CD8A: variants seen among roughly 807,000 people sequenced by gnomAD.
The protein encoded by CD8A is T-cell surface glycoprotein CD8 alpha chain.
CD8A carries 25 observed loss-of-function variants against 24.2 expected under a neutral mutation model. The observed-to-expected ratio is 1.03, with a 90% CI of 0.75 to 1.44. The LOEUF is 1.44. Among genes scored for constraint, CD8A ranks in the 40% most tolerant of loss-of-function variants. The pLI is 0.00. For missense variants in CD8A, 360 were observed against 319.7 expected, an observed-to-expected ratio of 1.13 and a Z score of -0.96; for synonymous variants, 165 against 149.9, an observed-to-expected ratio of 1.10 and a Z score of -0.74.
rs1673198402 is a variant in CD8A, at chr2:86,789,857, C to T, written c.404-107G>A. On this transcript the variant is annotated intron_variant, in intron 2 of 5. Coordinates refer to ENST00000283635, the MANE Select transcript of CD8A (RefSeq NM_001768.7). ...ACGGGGACGCCTCCCCCCGGTTTTCCTGGGAGAAGGGATAGCAGAGGAGAC... is the reference window on the plus strand; with the variant it reads ...ACGGGGACGCCTCCCCCCGGTTTTCTTGGGAGAAGGGATAGCAGAGGAGAC... The T allele has an allele frequency of 2.2e-5, 14 of 627,386 alleles. No individual in the cohort carries two copies. The East Asian group carries it at 4.8e-4, about 21-fold the overall frequency. 38.9% of individuals were successfully genotyped at this position (627,386 alleles called of 1,614,324 possible).
upstream of CD8A, among the ~76,000 whole-genome samples, chr2:86,793,443 G>C (rs1467109947): frequency 6.6e-6 from 1 of 152,232 alleles, no homozygotes; most frequent in Admixed American, 6.5e-5. Context: ...TGCATGGTAT[G>C]AGGGTCCCTC....
chr2:86,803,880 G>A (rs956228677), intron 2 of CD8A, among the ~76,000 whole-genome samples: 3 of 152,192 alleles, frequency 2.0e-5, no homozygotes, highest in Non-Finnish European at 4.4e-5. Flanking sequence ...CAAATATATA[G>A]AGAATAAAAC....
At chr2:86,787,032 A>AAG (rs1358622361) in intron 5 of CD8A, among the ~76,000 whole-genome samples, 13 of 145,654 alleles carry the variant, frequency 8.9e-5, no homozygotes, top group Non-Finnish European at 2.0e-4. Context: ...AAAAAAAAAA[A>AAG]AAAAAAAAGA....
rs1392485677 is a variant in CD8A at position 86,785,697 on chromosome 2, A to C, written c.*223T>G. The C allele has an allele frequency of 1.4e-6, 1 of 704,030 alleles. No homozygotes were observed. Among genetic ancestry groups the C allele is most frequent in the African/African-American group, 1.7e-5 (1 of 57,338 alleles). 43.6% of individuals were successfully genotyped at this position (704,030 alleles called of 1,614,324 possible). On this transcript the variant is annotated 3_prime_UTR_variant, in exon 6 of 6. Coordinates refer to ENST00000283635, the MANE Select transcript of CD8A (RefSeq NM_001768.7). ...TTCCACGCCCTACCGCGATGTGCGC[A>C]CAACAGTATTGTGACCCTTGTGGTG...
At chr2:86,790,722 G>GCCC in intron 1 of CD8A, 41 bp from the exon 2 acceptor site, 16 of 1,487,832 alleles carry the variant, frequency 1.1e-5, no homozygotes, top group Non-Finnish European at 1.4e-5. Flanking sequence ...GCAGTCCCGC[G>GCCC]CCCCCCGCCC....
rs1427820128 is a variant in CD8A at position 86,785,933 on chromosome 2, G to A, written c.695C>T (p.Ala232Val). 1.2e-6 allele frequency: 2 copies of A among 1,612,966 alleles called. No homozygotes were observed. Among genetic ancestry groups the A allele is most frequent in the South Asian group, 1.1e-5 (1 of 91,048 alleles). Residue 232 changes from alanine (A) to valine (V), a missense_variant, in exon 6 of 6, where the codon GCG (alanine) becomes GTG (valine). By Grantham distance (64) the Ala-to-Val change is moderately conservative. Transcript: ENST00000283635. Reference sequence around the variant, plus strand: ...TGTTGCACAGGGTTAGACGTATCTCGCCGAAAGGCTGGGCTTGTCTCCCGA... The same window carrying A: ...TGTTGCACAGGGTTAGACGTATCTCACCGAAAGGCTGGGCTTGTCTCCCGA... ...VKSGDKPSLS[A>V]RYV is the part of the protein sequence containing the mutation.
Position 86,790,533 on chromosome 2 carries a change from A to G in CD8A, c.198T>C (p.Ser66=). Reference sequence around the variant, plus strand: ...GGGAGAGGTATAGGAGGAAGGTGGGACTGGCGGCGGCGCCGCGCGGCTGGA... The same window carrying G: ...GGGAGAGGTATAGGAGGAAGGTGGGGCTGGCGGCGGCGCCGCGCGGCTGGA... ...WLFQPRGAAA[S]PTFLLYLSQN... is the part of the protein sequence containing the mutation. Residue 66 remains serine, a synonymous_variant, in exon 2 of 6, where the codon AGT becomes AGC. Transcript: ENST00000283635. 1.2e-6 allele frequency: 2 copies of G among 1,613,696 alleles called. No homozygotes were observed. The highest frequency in any genetic ancestry group is 2.2e-5 in the South Asian group (2 of 91,078).
chr2:86,805,002 C>T (rs57594790), intron 2 of CD8A, among the ~76,000 whole-genome samples: 12,050 of 151,688 alleles, frequency 0.079, 1,455 homozygotes, highest in African/African-American at 0.27. Context: ...AGAGTTTTGC[C>T]ATGTTGGCCA....
chr2:86,802,426 G>C (rs993694402), intron 2 of CD8A, among the ~76,000 whole-genome samples: 1 of 152,152 alleles, frequency 6.6e-6, no homozygotes, highest in Admixed American at 6.6e-5. Flanking sequence ...TAGTCGCAAT[G>C]ATGACATAAT....
Position 86,785,666 on chromosome 2 carries a change from GC to G in CD8A, c.*253del. ...AGAACTCTGCGGGTAGCTCTGGCCT[GC>G]CCCTTTCCACGCCCTACCGCGATGT... On this transcript the variant is annotated 3_prime_UTR_variant, in exon 6 of 6. Coordinates refer to ENST00000283635, the MANE Select transcript of CD8A (RefSeq NM_001768.7). The G allele has an allele frequency of 3.0e-6, 2 of 671,384 alleles. No homozygotes were observed. The allele number at this position is 671,384 out of a possible 1,614,324, so 41.6% of individuals were successfully genotyped here. A position where few individuals can be genotyped will look rare whatever the true frequency, so the allele number is the denominator to read the frequency against.
chr2:86,792,069 C>T (rs1450045920), upstream of CD8A, among the ~76,000 whole-genome samples: 1 of 152,142 alleles, frequency 6.6e-6, no homozygotes, highest in Non-Finnish European at 1.5e-5. Flanking sequence ...ACTGGAGTCT[C>T]GCTGTTTTGC....
At chr2:86,800,573 T>C (rs1036364580) in intron 3 of CD8A, among the ~76,000 whole-genome samples, 3 of 152,224 alleles carry the variant, frequency 2.0e-5, no homozygotes, top group Non-Finnish European at 2.9e-5. Flanking sequence ...TTAATCAATT[T>C]CAGCAATCGT....
upstream of CD8A, chr2:86,791,531 G>A (rs899720997): frequency 4.4e-6 from 2 of 454,050 alleles, no homozygotes; most frequent in Non-Finnish European, 8.8e-6. Context: ...ATCTCTTCTT[G>A]GAGCCATTGC....
intron 2 of CD8A, among the ~76,000 whole-genome samples, chr2:86,804,585 T>C (rs1164197568): frequency 6.6e-6 from 1 of 152,138 alleles, no homozygotes; most frequent in African/African-American, 2.4e-5. Context: ...GATTGTTATG[T>C]GTATTTTGCC....
chr2:86,792,655 C>T (rs1165013554), upstream of CD8A, among the ~76,000 whole-genome samples: 2 of 151,866 alleles, frequency 1.3e-5, no homozygotes, highest in African/African-American at 4.8e-5. Context: ...CCACCATGCC[C>T]AGCTAATTTT....
At position 86,785,104 on chromosome 2, in the gene CD8A, G is replaced by A. The variant is rs1672939493; in HGVS notation, c.*816C>T. On this transcript the variant is annotated 3_prime_UTR_variant, in exon 6 of 6. Transcript: ENST00000283635. ...GATGCTCAAATTCTATTTGTAAAGG[G>A]GTAGCCTGTCCTCTTTCATGGGCCC... 1 of 453,940 alleles carries A rather than the reference G, an allele frequency of 2.2e-6. No individual in the cohort carries two copies. The highest frequency in any genetic ancestry group is 4.4e-6 in the Non-Finnish European group (1 of 226,784). 28.1% of individuals were successfully genotyped at this position (453,940 alleles called of 1,614,324 possible).
At position 86,785,620 on chromosome 2, in the gene CD8A, A is replaced by G. The variant is rs1672965641; in HGVS notation, c.*300T>C. The G allele has an allele frequency of 1.6e-6, 1 of 610,794 alleles. No homozygotes were observed. Among genetic ancestry groups the G allele is most frequent in the African/African-American group, 1.8e-5 (1 of 55,152 alleles). 37.8% of individuals were successfully genotyped at this position (610,794 alleles called of 1,614,324 possible). A position where few individuals can be genotyped will look rare whatever the true frequency, so the allele number is the denominator to read the frequency against. ...AGGTTGAGATGGCATGGGTGCCTCC[A>G]GCTCTCTCAGCATGATTCTGAGAAC... On this transcript the variant is annotated 3_prime_UTR_variant, in exon 6 of 6. Transcript: ENST00000283635.
At chr2:86,793,665 G>A (rs1042016371), upstream of CD8A, among the ~76,000 whole-genome samples, 36 of 152,244 alleles carry the variant, frequency 2.4e-4, no homozygotes, top group Non-Finnish European at 7.3e-5. Context: ...GGCTAGACAC[G>A]AAACTGCACT....
At chr2:86,805,028 C>T (rs1039737560) in intron 2 of CD8A, among the ~76,000 whole-genome samples, 1 of 151,960 alleles carries the variant, frequency 6.6e-6, no homozygotes, top group African/African-American at 2.4e-5. Flanking sequence ...GTCTCGAACT[C>T]CTGACCTCAA....
Sources: gnomAD v4.1 joint callset for allele counts (sites outside exome capture counted in the v4.1 genomes callset) on GRCh38, gnomAD v4.1.1 for gene constraint, MANE v1.5 for transcripts, NCBI Gene and HGNC (gene_info 2026-07-23, HGNC 2026-07-21) for gene names.